TRPM7: variants seen among roughly 807,000 people sequenced by gnomAD.
TRPM7 encodes transient receptor potential cation channel subfamily M member 7, also known as LTRPC ion channel family member 7.
In TRPM7, 134 loss-of-function variants were observed where a neutral mutation model predicts 229.7. The ratio of observed to expected loss-of-function variants is 0.58; its 90% CI spans 0.51 to 0.67. The LOEUF (loss-of-function observed/expected upper bound fraction) is 0.67, where lower values mean the gene tolerates loss of function less well. TRPM7 is among the 30% of genes least tolerant of loss of function. The pLI, the probability that TRPM7 is intolerant of heterozygous loss-of-function variation, is 0.00. For missense variants in TRPM7, 1,901 were observed against 2,210.0 expected, an observed-to-expected ratio of 0.86 and a Z score of 2.80; for synonymous variants, 699 against 715.2, an observed-to-expected ratio of 0.98 and a Z score of 0.36.
At chr15:50,656,930 C>T (rs539643107) in intron 3 of TRPM7, among the ~76,000 whole-genome samples, 20 of 152,284 alleles carry the variant, frequency 1.3e-4, no homozygotes, top group African/African-American at 4.8e-4. Flanking sequence ...TCAAAAACAT[C>T]TTACTTCAGG....
rs1420380820 is a variant in TRPM7 at position 50,561,434 on chromosome 15, A to G, written c.*244T>C. 2 of 403,112 alleles carry G rather than the reference A, an allele frequency of 5.0e-6. No individual in the cohort carries two copies. Among genetic ancestry groups the G allele is most frequent in the East Asian group, 9.3e-5 (2 of 21,488 alleles). The allele number at this position is 403,112 out of a possible 1,614,324, so 25.0% of individuals were successfully genotyped here. On this transcript the variant is annotated 3_prime_UTR_variant, in exon 39 of 39. Coordinates refer to ENST00000646667, the MANE Select transcript of TRPM7 (RefSeq NM_017672.6). ...CCTCTGCTATACAAAGAGCCCTTTA[A>G]AAAGTTATAAATACTAATTATCAAT... is the stretch of plus-strand genomic sequence containing the variant.
At chr15:50,662,778 C>A (rs932784585) in intron 2 of TRPM7, among the ~76,000 whole-genome samples, 189 bp downstream of exon 2, 1 of 152,162 alleles carries the variant, frequency 6.6e-6, no homozygotes, top group Non-Finnish European at 1.5e-5. Flanking sequence ...ATTAAGAACT[C>A]CAAAATACTG....
intron 1 of TRPM7, among the ~76,000 whole-genome samples, chr15:50,681,909 C>T (rs1308311946): frequency 1.3e-5 from 2 of 152,050 alleles, no homozygotes; most frequent in Admixed American, 6.5e-5. Flanking sequence ...AAAGACTGTG[C>T]GGTGGCTCAC....
chr15:50,665,193 G>A (rs1249874614), intron 1 of TRPM7, among the ~76,000 whole-genome samples: 1 of 152,026 alleles, frequency 6.6e-6, no homozygotes, highest in East Asian at 1.9e-4. Flanking sequence ...GAGGCCAGGA[G>A]TTCGAGACCA....
At chr15:50,607,661 T>C (rs1053312716) in intron 19 of TRPM7, among the ~76,000 whole-genome samples, 44 of 152,062 alleles carry the variant, frequency 2.9e-4, no homozygotes, top group Admixed American at 2.8e-3. Flanking sequence ...TATCATAATA[T>C]ATTAAAATTA....
In TRPM7 at chr15:50,599,193, G is replaced by A. The variant is rs766460059; in HGVS notation, c.3092C>T (p.Thr1031Ile). ...ILYPHEAPSW[T>I]LAKDIVFHPY... is the part of the protein sequence containing the mutation. The stretch of plus-strand genomic sequence containing the variant: ...GTGAAAAACTATATCTTTAGCAAGA[G>A]TCCAAGATGGTGCTTCATGAGGATA... Residue 1031 changes from threonine to isoleucine, a missense_variant, in exon 22 of 39, where the codon ACT becomes ATT. Coordinates refer to ENST00000646667, the MANE Select transcript of TRPM7 (RefSeq NM_017672.6). 2.2e-5 allele frequency: 35 copies of A among 1,613,400 alleles called. No homozygotes were observed. The Admixed American group carries it at 5.8e-4, about 27-fold the overall frequency.
rs965752224 is a variant in TRPM7, at chr15:50,638,383, A to G, written c.661-790T>C. Among the ~76,000 whole-genome samples, 133 of 139,838 alleles carry G rather than the reference A, an allele frequency of 9.5e-4. 3 individuals carry two copies. The highest frequency in any genetic ancestry group is 3.6e-3 in the Middle Eastern group (1 of 280). 91.7% of individuals were successfully genotyped at this position (139,838 alleles called of 152,430 possible). The stretch of plus-strand genomic sequence containing the variant: ...CAAAAAAAAAAAAAAAAAAAAAAAA[A>G]AAAAAAAAAAAAAAAATTAGATGGG... On this transcript the variant is annotated intron_variant, in intron 6 of 38. Transcript: ENST00000646667.
At chr15:50,621,973 T>C (rs1378822679) in intron 12 of TRPM7, among the ~76,000 whole-genome samples, 1 of 151,932 alleles carries the variant, frequency 6.6e-6, no homozygotes, top group Non-Finnish European at 1.5e-5. Context: ...GAGGTCGCAT[T>C]GAGCCAAGAT....
At chr15:50,681,655 T>C (rs1200092084) in intron 1 of TRPM7, among the ~76,000 whole-genome samples, 2 of 152,242 alleles carry the variant, frequency 1.3e-5, no homozygotes, top group Non-Finnish European at 2.9e-5. Flanking sequence ...TGCTATATTA[T>C]TGATGACTTA....
At chr15:50,667,215 A>C (rs1023643346) in intron 1 of TRPM7, among the ~76,000 whole-genome samples, 1 of 152,136 alleles carries the variant, frequency 6.6e-6, no homozygotes, top group Non-Finnish European at 1.5e-5. Context: ...GGCCCCCTAG[A>C]AGCTGTGCCT....
At chr15:50,680,806 C>T (rs893637629) in intron 1 of TRPM7, among the ~76,000 whole-genome samples, 1 of 152,134 alleles carries the variant, frequency 6.6e-6, no homozygotes, top group South Asian at 2.1e-4. Flanking sequence ...ATATCAAAAG[C>T]CTTCTCCAAG....
chr15:50,662,844 T>C (rs2061765626), intron 2 of TRPM7, 123 bp downstream of exon 2: 3 of 740,486 alleles, frequency 4.1e-6, no homozygotes, highest in South Asian at 3.3e-5. Context: ...TTAACAGTAA[T>C]TATAAAAAGT....
intron 7 of TRPM7, among the ~76,000 whole-genome samples, chr15:50,636,946 G>A (rs1333860045): frequency 6.6e-6 from 1 of 152,014 alleles, no homozygotes; most frequent in Non-Finnish European, 1.5e-5. Flanking sequence ...TGGCTAACAT[G>A]GTGAAACCCT....
chr15:50,595,612 G>A (rs1444269747), intron 23 of TRPM7, among the ~76,000 whole-genome samples: 1 of 152,062 alleles, frequency 6.6e-6, no homozygotes, highest in East Asian at 1.9e-4. Context: ...TGTAATCCCA[G>A]CACTTGGGGA....
intron 33 of TRPM7, among the ~76,000 whole-genome samples, 181 bp downstream of exon 33, chr15:50,575,543 A>G (rs895739502): frequency 5.9e-5 from 9 of 152,348 alleles, no homozygotes; most frequent in Admixed American, 1.3e-4. Flanking sequence ...GAGAAACTCA[A>G]TATTTCTGAT....
intron 1 of TRPM7, among the ~76,000 whole-genome samples, chr15:50,666,424 G>T (rs1030314042): frequency 6.6e-6 from 1 of 151,656 alleles, no homozygotes; most frequent in Non-Finnish European, 1.5e-5. Flanking sequence ...CTGGGTGACA[G>T]AATGAGAGAA....
chr15:50,598,478 T>C (rs1566980053), intron 22 of TRPM7, among the ~76,000 whole-genome samples: 1 of 152,240 alleles, frequency 6.6e-6, no homozygotes, highest in African/African-American at 2.4e-5. Context: ...AAACTCAACA[T>C]GCTGTAAGCT....
At chr15:50,680,665 T>G (rs2062221415) in intron 1 of TRPM7, among the ~76,000 whole-genome samples, 1 of 152,104 alleles carries the variant, frequency 6.6e-6, no homozygotes, top group Non-Finnish European at 1.5e-5. Context: ...TTCTATTAGG[T>G]TTCATTATCA....
rs1463149662 is a variant in TRPM7, at chr15:50,583,121, G to A, written c.4525C>T (p.His1509Tyr). ...ISRRPSTEDT[H>Y]EVDSKAALIP... ...AAAGCTGCTTTGGAATCTACTTCAT[G>A]AGTGTCTTCGGTAGATGGCCTTCTA... The change falls in exon 29 of 39, where the codon CAT (histidine) becomes TAT (tyrosine). Residue 1509 changes from histidine to tyrosine, a missense_variant. His to Tyr is a moderately conservative substitution (Grantham distance 83). This residue lies in a region of TRPM7 where 533 missense variants were observed against 497.1 expected (regional missense o/e 1.07). Coordinates refer to ENST00000646667, the MANE Select transcript of TRPM7 (RefSeq NM_017672.6). 2.5e-6 allele frequency: 4 copies of A among 1,608,162 alleles called. No individual in the cohort carries two copies. In the African/African-American group the frequency reaches 4.0e-5, roughly 16 times the overall value.
Sources: allele counts gnomAD v4.1 joint callset (sites outside exome capture counted in the v4.1 genomes callset), GRCh38; gene constraint gnomAD v4.1.1; regional missense constraint gnomAD v4.1.1; transcripts MANE v1.5; gene names NCBI Gene and HGNC (gene_info 2026-07-23, HGNC 2026-07-21).